The following TBC1D22A variants were observed in gnomAD, a reference collection of about 807,000 sequenced individuals.
The protein encoded by TBC1D22A is TBC1 domain family member 22A, also known as putative GTPase activator.
A neutral mutation model predicts 60.2 loss-of-function variants in TBC1D22A; 38 were observed. The observed-to-expected ratio is 0.63, with a 90% confidence interval of 0.49 to 0.83. The LOEUF is 0.83. Ranked by LOEUF, TBC1D22A falls within the 40% of genes least tolerant of loss-of-function variation. The pLI is 0.00. For missense variants in TBC1D22A, 628 were observed against 701.0 expected (o/e 0.90, Z 1.18); for synonymous variants, 302 against 281.7 (o/e 1.07, Z -0.72).
At chr22:46,911,676 G>C (rs552197735) in intron 7 of TBC1D22A, among the ~76,000 whole-genome samples, 1 of 152,262 alleles carries the variant, frequency 6.6e-6, no homozygotes, top group East Asian at 1.9e-4. Context: ...CCAGCACTTT[G>C]GGAGGCTGAG....
intron 12 of TBC1D22A, among the ~76,000 whole-genome samples, chr22:47,145,109 G>T (rs1050214965): frequency 3.5e-4 from 53 of 152,346 alleles, no homozygotes; most frequent in African/African-American, 1.1e-3. Flanking sequence ...CCTGGCAAGG[G>T]CAGGGCTGTT....
chr22:47,162,765 G>A (rs2068042979), intron 12 of TBC1D22A, among the ~76,000 whole-genome samples: 1 of 143,950 alleles, frequency 6.9e-6, no homozygotes, highest in African/African-American at 2.8e-5. Flanking sequence ...TCGGGGGAGT[G>A]GGACTGCGGA....
chr22:47,173,397 C>T (rs2068568601), intron 12 of TBC1D22A, 101 bp from the exon 13 acceptor site: 12 of 1,505,820 alleles, frequency 8.0e-6, no homozygotes, highest in Non-Finnish European at 8.2e-6. Context: ...TGGGTCACCT[C>T]CTCTGACCTG....
chr22:47,148,381 C>T (rs756171028), intron 12 of TBC1D22A, among the ~76,000 whole-genome samples: 6 of 150,512 alleles, frequency 4.0e-5, no homozygotes, highest in South Asian at 2.1e-4. Context: ...CTATATGGCA[C>T]GAGAAAAGAA....
chr22:47,056,908 G>A (rs1431384514), intron 11 of TBC1D22A, among the ~76,000 whole-genome samples: 3 of 152,180 alleles, frequency 2.0e-5, no homozygotes, highest in Non-Finnish European at 4.4e-5. Context: ...GGAGATGCAG[G>A]GGTGTCTGAC....
intron 1 of TBC1D22A, among the ~76,000 whole-genome samples, chr22:46,779,875 C>T (rs574393056): frequency 2.6e-5 from 4 of 152,266 alleles, no homozygotes; most frequent in South Asian, 2.1e-4. Context: ...GTGTGGGTGT[C>T]GGGGCGGGAC....
intron 4 of TBC1D22A, among the ~76,000 whole-genome samples, chr22:46,857,758 T>TCC (rs1385049578): frequency 6.6e-6 from 1 of 152,102 alleles, no homozygotes; most frequent in Non-Finnish European, 1.5e-5. Context: ...TGAAACTGGC[T>TCC]CCCGTTCCCT....
At chr22:47,083,294 C>T (rs1192255376) in intron 11 of TBC1D22A, among the ~76,000 whole-genome samples, 1 of 150,720 alleles carries the variant, frequency 6.6e-6, no homozygotes, top group Non-Finnish European at 1.5e-5. Context: ...AATTATACAT[C>T]CGAAAAAAAC....
intron 11 of TBC1D22A, among the ~76,000 whole-genome samples, chr22:47,086,026 C>T (rs746895037): frequency 3.3e-5 from 5 of 152,200 alleles, no homozygotes; most frequent in African/African-American, 4.8e-5. Flanking sequence ...CATGCCAGTG[C>T]CCACTAGAAT....
chr22:46,838,977 G>T (rs1237313944), intron 4 of TBC1D22A, among the ~76,000 whole-genome samples: 1 of 152,208 alleles, frequency 6.6e-6, no homozygotes, highest in African/African-American at 2.4e-5. Context: ...AGATCAGGAA[G>T]AGGACAGGGA....
rs1337264321 is a variant in TBC1D22A at position 47,038,727 on chromosome 22, G to A, written c.1329+1529G>A. ...TCTGACTTTGCTTTTCCTTTGCGCC[G>A]CTTGTCTGGTCTAATGATCTCACTA... is the stretch of plus-strand genomic sequence containing the variant. On this transcript the variant is annotated intron_variant, in intron 11 of 12. Transcript: ENST00000337137. Among the ~76,000 whole-genome samples, 4 of 152,254 alleles carry A rather than the reference G, an allele frequency of 2.6e-5. No homozygotes were observed. In the East Asian group the frequency reaches 5.8e-4, roughly 22 times the overall value.
chr22:47,137,695 G>T (rs1396096565), intron 12 of TBC1D22A, among the ~76,000 whole-genome samples: 2 of 152,238 alleles, frequency 1.3e-5, no homozygotes, highest in African/African-American at 4.8e-5. Context: ...GAAGCAGGCG[G>T]TATCTTCATG....
intron 8 of TBC1D22A, among the ~76,000 whole-genome samples, chr22:46,941,791 A>AATATATAGAATATATATAGAAT (rs551626059): frequency 7.2e-6 from 1 of 139,768 alleles, no homozygotes; most frequent in Non-Finnish European, 1.5e-5. Flanking sequence ...ATATATATAG[A>AATATATAGAATATATATAGAAT]ATATATAGAA....
chr22:46,808,397 G>A (rs868138085), intron 4 of TBC1D22A, among the ~76,000 whole-genome samples: 1 of 152,048 alleles, frequency 6.6e-6, no homozygotes, highest in South Asian at 2.1e-4. Context: ...AAATGCAGTA[G>A]GGATGGGAGG....
chr22:47,154,635 C>T (rs931275632), intron 12 of TBC1D22A, among the ~76,000 whole-genome samples: 4 of 152,174 alleles, frequency 2.6e-5, no homozygotes, highest in East Asian at 1.9e-4. Flanking sequence ...GAGCAGGTAG[C>T]GGTTGCCTTT....
chr22:46,829,463 C>G (rs2086213760), intron 4 of TBC1D22A, among the ~76,000 whole-genome samples: 1 of 152,198 alleles, frequency 6.6e-6, no homozygotes, highest in South Asian at 2.1e-4. Flanking sequence ...CTGAAGTCAC[C>G]TCTGCTTTTG....
At chr22:47,081,460 C>A (rs1261477667) in intron 11 of TBC1D22A, among the ~76,000 whole-genome samples, 1 of 152,172 alleles carries the variant, frequency 6.6e-6, no homozygotes, top group African/African-American at 2.4e-5. Flanking sequence ...CTCACTACTT[C>A]TATTCAGTAT....
At chr22:46,951,568 T>C (rs2072904640) in intron 8 of TBC1D22A, among the ~76,000 whole-genome samples, 1 of 152,198 alleles carries the variant, frequency 6.6e-6, no homozygotes, top group Admixed American at 6.5e-5. Context: ...GGGCTGTCAC[T>C]GCAGCCGGCG....
At chr22:47,144,215 G>A (rs1021655194) in intron 12 of TBC1D22A, among the ~76,000 whole-genome samples, 9 of 152,178 alleles carry the variant, frequency 5.9e-5, no homozygotes, top group Admixed American at 1.3e-4. Flanking sequence ...ACTTCTCATC[G>A]CTGTCAGAGC....
Sources: gnomAD v4.1 joint callset for allele counts (sites outside exome capture counted in the v4.1 genomes callset) on GRCh38, gnomAD v4.1.1 for gene constraint, MANE v1.5 for transcripts, NCBI Gene and HGNC (gene_info 2026-07-23, HGNC 2026-07-21) for gene names.